The following AKAP13 variants were observed in gnomAD, a reference collection of about 807,000 sequenced individuals.
AKAP13 encodes the protein A-kinase anchor protein 13.
In AKAP13, 80 loss-of-function variants were observed where a neutral mutation model predicts 264.5. That is an observed-to-expected ratio of 0.30 (90% CI 0.25 to 0.36). The LOEUF (loss-of-function observed/expected upper bound fraction) is 0.36. Ranked by LOEUF, AKAP13 falls within the 10% of genes least tolerant of loss-of-function variation. AKAP13 has a pLI of 1.00. For synonymous variants in AKAP13, 1,380 were observed against 1,250.2 expected, an observed-to-expected ratio of 1.10 and a Z score of -2.19; for missense variants, 3,712 against 3,435.2, an observed-to-expected ratio of 1.08 and a Z score of -2.01.
intron 11 of AKAP13, among the ~76,000 whole-genome samples, chr15:85,658,262 T>G (rs1005506620): frequency 6.6e-6 from 1 of 152,192 alleles, no homozygotes; most frequent in African/African-American, 2.4e-5. Flanking sequence ...GAGTAGTAAT[T>G]TTTTTCTGAT....
chr15:85,738,531 T>C (rs755814873), intron 33 of AKAP13, among the ~76,000 whole-genome samples: 4 of 152,068 alleles, frequency 2.6e-5, no homozygotes, highest in Non-Finnish European at 4.4e-5. Flanking sequence ...AGTTACTTGA[T>C]AATAAACATA....
chr15:85,705,586 C>T (rs1037032950), intron 17 of AKAP13, among the ~76,000 whole-genome samples: 6 of 152,000 alleles, frequency 3.9e-5, no homozygotes, highest in Non-Finnish European at 7.4e-5. Context: ...GAACTTTGAA[C>T]GACATTAGAG....
intron 17 of AKAP13, among the ~76,000 whole-genome samples, chr15:85,703,864 A>G (rs1160363445): frequency 2.0e-5 from 3 of 150,134 alleles, no homozygotes; most frequent in African/African-American, 4.9e-5. Context: ...ATATATATAT[A>G]TATATATACA....
intron 2 of AKAP13, among the ~76,000 whole-genome samples, chr15:85,516,797 T>A (rs139295590): frequency 6.6e-6 from 1 of 152,364 alleles, no homozygotes; most frequent in Non-Finnish European, 1.5e-5. Flanking sequence ...CCACACCACA[T>A]TACGAATACA....
intron 8 of AKAP13, among the ~76,000 whole-genome samples, chr15:85,637,157 C>G (rs757107667): frequency 1.6e-4 from 24 of 152,158 alleles, no homozygotes; most frequent in Non-Finnish European, 2.9e-5. Flanking sequence ...TAATGCTAGG[C>G]TCATAAAATG....
rs558616870 is a variant in AKAP13, at chr15:85,723,894, T to C, written c.6745+574T>C. On this transcript the variant is annotated intron_variant, in intron 26 of 36. Coordinates refer to ENST00000394518, the MANE Select transcript of AKAP13 (RefSeq NM_007200.5). ...AATAAATCATAAAGGATGCCCATTT[T>C]CCATTTGGTTTTAATTTTTACATTT... Among the ~76,000 whole-genome samples the C allele has an allele frequency of 9.8e-5, 15 of 152,364 alleles. No homozygotes were observed. In the East Asian group the frequency reaches 2.5e-3, roughly 25 times the overall value.
At chr15:85,561,051 ATTTTTTTTTTTT>A (rs11311086) in intron 5 of AKAP13, among the ~76,000 whole-genome samples, 2 of 109,510 alleles carry the variant, frequency 1.8e-5, no homozygotes, top group Non-Finnish European at 3.6e-5. Flanking sequence ...GGATGTAAGG[ATTTTTTTTTTTT>A]TTTTTTTTTT....
At chr15:85,565,883 G>A (rs750413615) in intron 5 of AKAP13, among the ~76,000 whole-genome samples, 16 of 152,194 alleles carry the variant, frequency 1.1e-4, no homozygotes, top group Non-Finnish European at 1.5e-4. Context: ...GAAAACTAGT[G>A]TCTTAGTTGT....
At position 85,710,586 on chromosome 15, in the gene AKAP13, A is replaced by G; in HGVS notation, c.5540A>G (p.Lys1847Arg). The change falls in exon 19 of 37, where the codon AAA (lysine) becomes AGA (arginine). Residue 1847 changes from lysine (K) to arginine (R), a missense_variant. By Grantham distance (26) the Lys-to-Arg change is conservative (BLOSUM62 2). Around this residue, in one of 3 missense-constraint regions of AKAP13, gnomAD observed 2,759 missense variants for 2,411.7 expected, o/e 1.14. Transcript: ENST00000394518. ...SCAKVKMKQP[K>R]GSLQAHDTSS... ...TACTTTCTTTCTCTTTAGCAGCCCAAAGGGAGCCTTCAGGCACATGACACA... is the reference window on the plus strand; with the variant it reads ...TACTTTCTTTCTCTTTAGCAGCCCAGAGGGAGCCTTCAGGCACATGACACA... 6.2e-7 allele frequency: 1 copy of G among 1,613,982 alleles called. No individual in the cohort carries two copies. The highest frequency in any genetic ancestry group is 8.5e-7 in the Non-Finnish European group (1 of 1,179,940).
intron 8 of AKAP13, among the ~76,000 whole-genome samples, chr15:85,604,716 G>T (rs1290866348): frequency 6.6e-6 from 1 of 151,950 alleles, no homozygotes; most frequent in Non-Finnish European, 1.5e-5. Context: ...CACCCACCTC[G>T]GCCTCCCAAA....
At chr15:85,711,849 T>TA (rs1267527418) in intron 19 of AKAP13, among the ~76,000 whole-genome samples, 1 of 152,150 alleles carries the variant, frequency 6.6e-6, no homozygotes, top group Non-Finnish European at 1.5e-5. Context: ...GTGTGTTTAA[T>TA]AGAGACAGGG....
chr15:85,684,471 G>A (rs752720085), intron 15 of AKAP13: 11 of 268,046 alleles, frequency 4.1e-5, no homozygotes, highest in Non-Finnish European at 6.3e-5. Flanking sequence ...GGCTGAGGCA[G>A]GAAGATTGCG....
chr15:85,536,748 T>C (rs1466905551), intron 4 of AKAP13: 2 of 152,198 alleles, frequency 1.3e-5, no homozygotes, highest in East Asian at 3.8e-4. Context: ...TGTGATTCTA[T>C]TTATATGATA....
At chr15:85,686,805 A>G (rs1314016204) in intron 16 of AKAP13, among the ~76,000 whole-genome samples, 1 of 152,224 alleles carries the variant, frequency 6.6e-6, no homozygotes, top group Non-Finnish European at 1.5e-5. Context: ...TGCTTTGTAT[A>G]GTCTTAGCAT....
chr15:85,453,092 A>G (rs2074150104), intron 1 of AKAP13, among the ~76,000 whole-genome samples: 1 of 152,180 alleles, frequency 6.6e-6, no homozygotes, highest in Non-Finnish European at 1.5e-5. Context: ...TGGGAGATGG[A>G]CTGGCCTCCT....
intron 1 of AKAP13, among the ~76,000 whole-genome samples, chr15:85,410,015 G>T (rs977021839): frequency 6.6e-6 from 1 of 151,540 alleles, no homozygotes; most frequent in Admixed American, 6.6e-5. Context: ...CTCAAATGAA[G>T]AAATTAGTTT....
chr15:85,528,186 A>T (rs1179820071), intron 3 of AKAP13, among the ~76,000 whole-genome samples: 1 of 152,198 alleles, frequency 6.6e-6, no homozygotes, highest in East Asian at 1.9e-4. Context: ...AGCCTGCAGG[A>T]GAGCTCTCCC....
chr15:85,636,941 C>A (rs1186094085), intron 8 of AKAP13, among the ~76,000 whole-genome samples: 2 of 152,208 alleles, frequency 1.3e-5, no homozygotes, highest in Non-Finnish European at 2.9e-5. Context: ...TAATGATGAT[C>A]ATTAGTTCGT....
chr15:85,488,280 C>T (rs12901340), intron 2 of AKAP13, among the ~76,000 whole-genome samples: 18,034 of 152,212 alleles, frequency 0.12, 1,493 homozygotes, highest in South Asian at 0.35. Flanking sequence ...AGGTAAGTAT[C>T]ATTTGATAAT....
Sources: allele counts gnomAD v4.1 joint callset (sites outside exome capture counted in the v4.1 genomes callset), GRCh38; gene constraint gnomAD v4.1.1; regional missense constraint gnomAD v4.1.1; transcripts MANE v1.5; gene names NCBI Gene and HGNC (gene_info 2026-07-23, HGNC 2026-07-21).